Variants in REEP3 observed in about 807,000 individuals in gnomAD.
The protein encoded by REEP3 is receptor accessory protein 3.
Under a neutral mutation model 41.3 loss-of-function variants are expected in REEP3, and 20 were observed. The observed-to-expected ratio is 0.48, with a 90% CI of 0.34 to 0.70. The LOEUF (loss-of-function observed/expected upper bound fraction) is 0.70, where lower values mean the gene tolerates loss of function less well. REEP3 is among the 30% of genes least tolerant of loss of function. The pLI, the probability that REEP3 is intolerant of heterozygous loss-of-function variation, is 0.01. For missense variants in REEP3, 271 were observed against 308.8 expected, an observed-to-expected ratio of 0.88 and a Z score of 0.92; for synonymous variants, 104 against 101.8, an observed-to-expected ratio of 1.02 and a Z score of -0.13.
chr10:63,521,576 G>C lies in REEP3; in HGVS notation c.31G>C (p.Val11Leu). The change falls in exon 1 of 8, where the codon GTG (valine) becomes CTG (leucine). Residue 11 changes from valine (V) to leucine (L), a missense_variant and splice_region_variant. Val to Leu is a conservative substitution (Grantham distance 32). Transcript: ENST00000373758. ...GTCCTGGATGATCTCCAGAGCCGTG[G>C]TGTAAGTGCCTCTCACTGCGCCCTG... MVSWMISRAV[V>L]LVFGMLYPAY... is the part of the protein sequence containing the mutation. 1 of 1,431,112 alleles carries C rather than the reference G, an allele frequency of 7.0e-7. No individual in the cohort carries two copies. The highest frequency in any genetic ancestry group is 9.2e-7 in the Non-Finnish European group (1 of 1,081,348). The allele number at this position is 1,431,112 out of a possible 1,614,324, so 88.7% of individuals were successfully genotyped here.
chr10:63,545,353 G>T (rs61853639), intron 1 of REEP3, among the ~76,000 whole-genome samples: 20,645 of 152,072 alleles, frequency 0.14, 2,037 homozygotes, highest in East Asian at 0.3. Flanking sequence ...ATCCTACAGC[G>T]TTATAGAACA....
At chr10:63,620,533 T>C (rs1257586488) in intron 7 of REEP3, among the ~76,000 whole-genome samples, 1 of 152,228 alleles carries the variant, frequency 6.6e-6, no homozygotes, top group Admixed American at 6.5e-5. Context: ...TGGCCTCTGA[T>C]CATTATAATC....
chr10:63,562,115 G>A (rs551578513), intron 1 of REEP3, among the ~76,000 whole-genome samples: 5 of 152,082 alleles, frequency 3.3e-5, no homozygotes, highest in African/African-American at 9.7e-5. Context: ...GCTCCTGTGC[G>A]GTGGAGGAGT....
chr10:63,599,404 A>G, intron 5 of REEP3, 121 bp downstream of exon 5: 1 of 450,242 alleles, frequency 2.2e-6, no homozygotes, highest in South Asian at 5.3e-5. Flanking sequence ...CTAATACTGG[A>G]AAACAAGTAA....
chr10:63,543,330 G>A (rs1955546970), intron 1 of REEP3, among the ~76,000 whole-genome samples: 1 of 152,086 alleles, frequency 6.6e-6, no homozygotes, highest in Non-Finnish European at 1.5e-5. Context: ...GGGTCTCGCT[G>A]TGTTGCCCAG....
chr10:63,524,169 C>T (rs2133332688), intron 1 of REEP3, among the ~76,000 whole-genome samples: 1 of 152,270 alleles, frequency 6.6e-6, no homozygotes. Flanking sequence ...TTCCTCTTTA[C>T]TCAGTTTCTC....
chr10:63,581,825 C>T (rs1014490331), intron 2 of REEP3, among the ~76,000 whole-genome samples: 1 of 148,092 alleles, frequency 6.8e-6, no homozygotes, highest in African/African-American at 2.5e-5. Context: ...CAATTGTTAG[C>T]TATGAACAGT....
chr10:63,600,318 C>T (rs941421849), intron 5 of REEP3, among the ~76,000 whole-genome samples: 3 of 152,060 alleles, frequency 2.0e-5, no homozygotes, highest in African/African-American at 7.2e-5. Flanking sequence ...AAGGAAAATT[C>T]AAATTATATA....
At chr10:63,526,901 T>A (rs1360800622) in intron 1 of REEP3, among the ~76,000 whole-genome samples, 1 of 152,150 alleles carries the variant, frequency 6.6e-6, no homozygotes, top group Non-Finnish European at 1.5e-5. Context: ...TCGCCTTCTT[T>A]GTTTTTTATT....
chr10:63,546,069 G>A (rs1413324640), intron 1 of REEP3, among the ~76,000 whole-genome samples: 1 of 152,166 alleles, frequency 6.6e-6, no homozygotes, highest in African/African-American at 2.4e-5. Context: ...TCACATGGAG[G>A]TCAATGTGGC....
intron 2 of REEP3, among the ~76,000 whole-genome samples, chr10:63,577,704 G>T (rs1955909957): frequency 6.6e-6 from 1 of 152,016 alleles, no homozygotes; most frequent in Admixed American, 6.6e-5. Context: ...AAATTGCCAG[G>T]ATTGTTAGGC....
chr10:63,573,408 CGTGT>C (rs755472462), intron 2 of REEP3, among the ~76,000 whole-genome samples: 1 of 152,138 alleles, frequency 6.6e-6, no homozygotes, highest in Non-Finnish European at 1.5e-5. Flanking sequence ...ACTTCCAAGT[CGTGT>C]GTAATTGCTG....
At chr10:63,549,798 A>T (rs573518098) in intron 1 of REEP3, among the ~76,000 whole-genome samples, 92 of 152,310 alleles carry the variant, frequency 6.0e-4, no homozygotes, top group African/African-American at 2.1e-3. Flanking sequence ...AGCTAGAATG[A>T]TCCACGTGGG....
chr10:63,613,942 C>T (rs1000162871), intron 6 of REEP3, among the ~76,000 whole-genome samples: 2 of 151,912 alleles, frequency 1.3e-5, no homozygotes, highest in African/African-American at 4.8e-5. Context: ...AACCAGAAAA[C>T]ATAATGGAAT....
At chr10:63,600,743 C>T (rs1011885725) in intron 5 of REEP3, among the ~76,000 whole-genome samples, 2 of 152,116 alleles carry the variant, frequency 1.3e-5, no homozygotes, top group African/African-American at 4.8e-5. Context: ...ATTGAAAGGA[C>T]CCACCAAGTA....
chr10:63,598,057 T>C lies in REEP3; in HGVS notation c.216T>C (p.Phe72=), dbSNP rs1956133109. 1.2e-6 allele frequency: 2 copies of C among 1,611,860 alleles called. No homozygotes were observed. The highest frequency in any genetic ancestry group is 1.7e-6 in the Non-Finnish European group (2 of 1,178,134). ...FPLYYELKIA[F]VIWLLSPYTK... Reference sequence around the variant, plus strand: ...TGTACTATGAGCTGAAGATTGCTTTTGTCATATGGCTGCTTTCTCCCTATA... The same window carrying C: ...TGTACTATGAGCTGAAGATTGCTTTCGTCATATGGCTGCTTTCTCCCTATA... The change falls in exon 4 of 8, where the codon TTT becomes TTC. Residue 72 remains phenylalanine (F), a synonymous_variant. Transcript: ENST00000373758.
intron 1 of REEP3, among the ~76,000 whole-genome samples, chr10:63,526,545 ACTTT>A (rs1239364313): frequency 6.6e-6 from 1 of 152,094 alleles, no homozygotes; most frequent in African/African-American, 2.4e-5. Context: ...ATGTGTGAGT[ACTTT>A]CTTTATCACA....
intron 6 of REEP3, among the ~76,000 whole-genome samples, chr10:63,611,237 C>T (rs1197672115): frequency 1.3e-5 from 2 of 152,158 alleles, no homozygotes; most frequent in African/African-American, 2.4e-5. Flanking sequence ...TCTTTCTACT[C>T]GAACTGTGCA....
At chr10:63,604,421 T>C (rs1956204259) in intron 5 of REEP3, among the ~76,000 whole-genome samples, 1 of 152,220 alleles carries the variant, frequency 6.6e-6, no homozygotes, top group African/African-American at 2.4e-5. Flanking sequence ...AAAGTACTGT[T>C]AGTTGTATTA....
Sources: gnomAD v4.1 joint callset for allele counts (sites outside exome capture counted in the v4.1 genomes callset) on GRCh38, gnomAD v4.1.1 for gene constraint, MANE v1.5 for transcripts, NCBI Gene and HGNC (gene_info 2026-07-23, HGNC 2026-07-21) for gene names.